The following MTUS2 variants were observed in gnomAD, a reference collection of about 807,000 sequenced individuals.
MTUS2 encodes the protein microtubule-associated tumor suppressor candidate 2.
In MTUS2, 40 loss-of-function variants were observed where a neutral mutation model predicts 114.1. The ratio of observed to expected loss-of-function variants is 0.35; its 90% CI spans 0.27 to 0.46. The LOEUF is 0.46. MTUS2 is among the 20% of genes least tolerant of loss of function. MTUS2 has a pLI of 1.00. For missense variants in MTUS2, 1,679 were observed against 1,705.4 expected, an observed-to-expected ratio of 0.98 and a Z score of 0.27; for synonymous variants, 688 against 672.0, an observed-to-expected ratio of 1.02 and a Z score of -0.37.
At chr13:29,336,779 A>T (rs907956727) in intron 7 of MTUS2, among the ~76,000 whole-genome samples, 1 of 152,186 alleles carries the variant, frequency 6.6e-6, no homozygotes, top group Non-Finnish European at 1.5e-5. Context: ...TTTCAAGGAG[A>T]TGGGAATTCT....
At chr13:28,863,817 C>T (rs1298603214) in intron 2 of MTUS2, among the ~76,000 whole-genome samples, 1 of 152,258 alleles carries the variant, frequency 6.6e-6, no homozygotes, top group African/African-American at 2.4e-5. Flanking sequence ...CCTGCCTTAG[C>T]GTCCTGAGTA....
chr13:28,899,572 G>A (rs1311101876), intron 2 of MTUS2, among the ~76,000 whole-genome samples: 1 of 151,770 alleles, frequency 6.6e-6, no homozygotes, highest in Non-Finnish European at 1.5e-5. Context: ...ACCACGCCTG[G>A]CTAATTTTTT....
At chr13:28,997,845 A>G (rs562981798) in intron 2 of MTUS2, among the ~76,000 whole-genome samples, 47 of 152,164 alleles carry the variant, frequency 3.1e-4, no homozygotes, top group African/African-American at 9.9e-4. Context: ...TCTTTATCCA[A>G]TTTGCCAGTC....
chr13:28,957,975 C>T (rs566330894), intron 2 of MTUS2, among the ~76,000 whole-genome samples: 7 of 152,206 alleles, frequency 4.6e-5, no homozygotes, highest in Non-Finnish European at 1.0e-4. Context: ...TAATGAATTA[C>T]TAGCCTAGAC....
In MTUS2 at chr13:29,485,613, A is replaced by G. The variant is rs150430485; in HGVS notation, c.3400-2287A>G. 3.5e-3 allele frequency among the ~76,000 whole-genome samples: 528 copies of G among 152,308 alleles called. 5 individuals carry two copies. The highest frequency in any genetic ancestry group is 5.6e-3 in the Non-Finnish European group (383 of 68,038). ...ACCTCGGAAAGGTTGTAAGGAATAT[A>G]TCATGCCATTACATTACCCTTAATA... On this transcript the variant is annotated intron_variant, in intron 10 of 15. Coordinates refer to ENST00000612955, the MANE Select transcript of MTUS2 (RefSeq NM_001033602.4).
chr13:29,095,380 C>T (rs1305117613), intron 4 of MTUS2, among the ~76,000 whole-genome samples: 1 of 152,106 alleles, frequency 6.6e-6, no homozygotes, highest in Non-Finnish European at 1.5e-5. Context: ...AATGCATTGA[C>T]CTTTTTATCA....
intron 6 of MTUS2, among the ~76,000 whole-genome samples, chr13:29,305,350 C>T (rs192145689): frequency 5.4e-5 from 4 of 73,486 alleles, no homozygotes; most frequent in African/African-American, 1.7e-4. Context: ...AATCCAGAAG[C>T]TAGTTTTGTG....
intron 5 of MTUS2, among the ~76,000 whole-genome samples, chr13:29,115,603 A>G (rs1891055520): frequency 1.3e-5 from 2 of 152,254 alleles, no homozygotes; most frequent in Admixed American, 6.5e-5. Context: ...TAAAGATTGT[A>G]TGCATTAAAG....
intron 2 of MTUS2, among the ~76,000 whole-genome samples, chr13:29,007,712 A>AT (rs975879911): frequency 6.6e-6 from 1 of 152,032 alleles, no homozygotes. Flanking sequence ...TAGTAAACAT[A>AT]TTTTTTCTTC....
At chr13:29,132,832 A>T (rs1330538870) in intron 5 of MTUS2, among the ~76,000 whole-genome samples, 1 of 152,194 alleles carries the variant, frequency 6.6e-6, no homozygotes, top group African/African-American at 2.4e-5. Flanking sequence ...AAATATACAA[A>T]TATCTTTTTA....
At chr13:28,993,660 A>G (rs1441640600) in intron 2 of MTUS2, among the ~76,000 whole-genome samples, 1 of 152,112 alleles carries the variant, frequency 6.6e-6, no homozygotes. Flanking sequence ...CATTTATTGA[A>G]TAGAGACTCC....
At chr13:29,371,841 A>G (rs1169558854) in intron 8 of MTUS2, among the ~76,000 whole-genome samples, 4 of 152,138 alleles carry the variant, frequency 2.6e-5, no homozygotes, top group African/African-American at 9.7e-5. Flanking sequence ...CTCATGATCA[A>G]TAAGCTGTAG....
intron 9 of MTUS2, among the ~76,000 whole-genome samples, chr13:29,469,679 C>T (rs1024158456): frequency 1.3e-5 from 2 of 150,338 alleles, no homozygotes; most frequent in Non-Finnish European, 3.0e-5. Flanking sequence ...CAGTGGCTCA[C>T]ACCCATAATC....
intron 5 of MTUS2, among the ~76,000 whole-genome samples, chr13:29,222,515 A>G (rs963299859): frequency 2.0e-5 from 3 of 152,234 alleles, no homozygotes; most frequent in Non-Finnish European, 4.4e-5. Context: ...TTTCAAGTGA[A>G]TATGCTATAT....
intron 4 of MTUS2, among the ~76,000 whole-genome samples, chr13:29,087,928 G>A (rs1175050250): frequency 3.3e-5 from 5 of 152,002 alleles, no homozygotes; most frequent in Non-Finnish European, 7.4e-5. Context: ...GCGTGGTGGT[G>A]GGTGCCTGTA....
intron 2 of MTUS2, among the ~76,000 whole-genome samples, chr13:28,858,358 A>G (rs542334196): frequency 2.0e-5 from 3 of 152,204 alleles, no homozygotes; most frequent in Non-Finnish European, 4.4e-5. Context: ...GACCTGCTGG[A>G]GAAAACTATA....
At chr13:29,187,080 A>T (rs1405054541) in intron 5 of MTUS2, among the ~76,000 whole-genome samples, 1 of 152,166 alleles carries the variant, frequency 6.6e-6, no homozygotes, top group East Asian at 1.9e-4. Context: ...TGAAAACACA[A>T]CATACTAAAA....
intron 4 of MTUS2, among the ~76,000 whole-genome samples, chr13:29,047,352 C>T (rs1887672800): frequency 6.6e-6 from 1 of 152,088 alleles, no homozygotes; most frequent in Admixed American, 6.5e-5. Context: ...ATAGCAGAGA[C>T]CATATTTTAA....
intron 7 of MTUS2, among the ~76,000 whole-genome samples, chr13:29,347,143 T>G (rs1482825722): frequency 2.6e-5 from 4 of 152,252 alleles, no homozygotes; most frequent in Admixed American, 2.6e-4. Context: ...GCTCTGTCCA[T>G]CTGAATGGGA....
Sources: gnomAD v4.1 joint callset for allele counts (sites outside exome capture counted in the v4.1 genomes callset) on GRCh38, gnomAD v4.1.1 for gene constraint, MANE v1.5 for transcripts, NCBI Gene and HGNC (gene_info 2026-07-23, HGNC 2026-07-21) for gene names.